STK3: variants seen among roughly 807,000 people sequenced by gnomAD.
STK3 encodes serine/threonine-protein kinase 3.
STK3 carries 41 observed loss-of-function variants against 58.0 expected under a neutral mutation model. The ratio of observed to expected loss-of-function variants is 0.71; its 90% CI spans 0.55 to 0.92. STK3 has a LOEUF of 0.92. Ranked by LOEUF, STK3 falls within the 40% of genes least tolerant of loss-of-function variation. STK3 has a pLI of 0.00. For synonymous variants in STK3, 170 were observed against 191.0 expected, an observed-to-expected ratio of 0.89 and a Z score of 0.91; for missense variants, 479 against 602.7, an observed-to-expected ratio of 0.79 and a Z score of 2.15.
At chr8:98,361,580 G>T in the STK3 span, among the ~76,000 whole-genome samples, 28 of 152,248 alleles carry the variant, frequency 1.8e-4, no homozygotes, top group African/African-American at 6.5e-4. Context: ...CTATATTTAT[G>T]ATCTTAACAA....
chr8:98,633,565 T>C lies in STK3; in HGVS notation c.685-37396A>G, dbSNP rs988724312. 7 of 736,792 alleles carry C rather than the reference T, an allele frequency of 9.5e-6. No homozygotes were observed. In the East Asian group the frequency reaches 1.8e-4, roughly 18 times the overall value. The allele number at this position is 736,792 out of a possible 1,614,324, so 45.6% of individuals were successfully genotyped here. A position where few individuals can be genotyped will look rare whatever the true frequency, so the allele number is the denominator to read the frequency against. On this transcript the variant is annotated intron_variant, in intron 6 of 10. Coordinates refer to ENST00000419617, the MANE Select transcript of STK3 (RefSeq NM_006281.4). ...ATCAGCCAGATTCTCCAGAGGCTCT[T>C]CAGGTTCTCCTCTGTCTTTCAGTCA...
chr8:98,418,250 G>A (rs943049407), intron 3 of STK3, among the ~76,000 whole-genome samples: 2 of 152,210 alleles, frequency 1.3e-5, no homozygotes, highest in African/African-American at 2.4e-5. Context: ...TCACTTTGAT[G>A]GACCAATCTG....
At chr8:98,558,672 T>C (rs1271336358) in intron 8 of STK3, among the ~76,000 whole-genome samples, 1 of 152,102 alleles carries the variant, frequency 6.6e-6, no homozygotes, top group African/African-American at 2.4e-5. Flanking sequence ...TTTAAAAAGA[T>C]TTTTTTCTTT....
At chr8:98,780,390 G>A (rs1832009835) in intron 1 of STK3, among the ~76,000 whole-genome samples, 1 of 152,054 alleles carries the variant, frequency 6.6e-6, no homozygotes, top group Non-Finnish European at 1.5e-5. Context: ...TATGAGTGAA[G>A]TTGACCATCT....
intron 4 of STK3, among the ~76,000 whole-genome samples, chr8:98,739,461 C>T (rs1407779908): frequency 2.0e-5 from 3 of 150,508 alleles, no homozygotes; most frequent in African/African-American, 4.9e-5. Flanking sequence ...CTGCAGCCAC[C>T]GCTGCTGGTA....
chr8:98,844,760 C>T (rs1052109476), intron 3 of STK3, among the ~76,000 whole-genome samples: 5 of 152,118 alleles, frequency 3.3e-5, no homozygotes, highest in African/African-American at 4.8e-5. Flanking sequence ...CCACTGTGCC[C>T]GGCCCAAACA....
At chr8:98,478,225 C>T (rs1422165968) in intron 10 of STK3, among the ~76,000 whole-genome samples, 1 of 152,184 alleles carries the variant, frequency 6.6e-6, no homozygotes, top group Non-Finnish European at 1.5e-5. Context: ...CTCTGCCCCT[C>T]ACTCACAAGG....
chr8:98,698,418 G>T (rs1315369700), intron 6 of STK3, among the ~76,000 whole-genome samples: 3 of 152,196 alleles, frequency 2.0e-5, no homozygotes, highest in Non-Finnish European at 4.4e-5. Flanking sequence ...GATGTTAGCT[G>T]GTTATTTTGC....
rs9642954 is a variant in STK3, at chr8:98,756,637, T to C, written c.237-7247A>G. On this transcript the variant is annotated intron_variant, in intron 3 of 10. Coordinates refer to ENST00000419617, the MANE Select transcript of STK3 (RefSeq NM_006281.4). ...CCAATTAAAAAGTAATGTTAGTCCATGCAGAGATTATAGTAAGCATATCTT... is the reference window on the plus strand; with the variant it reads ...CCAATTAAAAAGTAATGTTAGTCCACGCAGAGATTATAGTAAGCATATCTT... Among the ~76,000 whole-genome samples the C allele has an allele frequency of 4.6e-5, 7 of 152,360 alleles. No individual in the cohort carries two copies. The East Asian group carries it at 1.3e-3, about 29-fold the overall frequency.
chr8:98,936,690 G>T (rs936847036), intron 1 of STK3, among the ~76,000 whole-genome samples: 1 of 152,232 alleles, frequency 6.6e-6, no homozygotes, highest in Non-Finnish European at 1.5e-5. Context: ...GCCTGGGCGG[G>T]CCCACCACGT....
chr8:98,561,809 A>T (rs767689452), intron 8 of STK3, among the ~76,000 whole-genome samples: 2 of 152,214 alleles, frequency 1.3e-5, no homozygotes, highest in Non-Finnish European at 2.9e-5. Flanking sequence ...AACTCTTAAA[A>T]ATTCACAATA....
intron 4 of STK3, chr8:98,721,077 G>A: frequency 1.0e-6 from 1 of 984,686 alleles, no homozygotes; most frequent in Non-Finnish European, 1.2e-6. Flanking sequence ...CACTCACCTG[G>A]CCAATAATTT....
chr8:98,704,871 G>A (rs1381496430), intron 6 of STK3, among the ~76,000 whole-genome samples: 2 of 152,064 alleles, frequency 1.3e-5, no homozygotes, highest in Non-Finnish European at 2.9e-5. Context: ...TACTTACCTA[G>A]GTTGCCTTGG....
intron 6 of STK3, among the ~76,000 whole-genome samples, chr8:98,690,075 C>T (rs544658033): frequency 6.6e-6 from 1 of 152,216 alleles, no homozygotes; most frequent in South Asian, 2.1e-4. Context: ...ATTACAAACT[C>T]ACGGCCAACA....
At chr8:98,751,635 G>T (rs1001268290) in intron 3 of STK3, among the ~76,000 whole-genome samples, 2 of 152,288 alleles carry the variant, frequency 1.3e-5, no homozygotes, top group East Asian at 3.9e-4. Flanking sequence ...AACATTCCAT[G>T]CTCAGGGATA....
intron 9 of STK3, among the ~76,000 whole-genome samples, chr8:98,536,173 A>C (rs1024206069): frequency 6.6e-6 from 1 of 152,152 alleles, no homozygotes; most frequent in Non-Finnish European, 1.5e-5. Context: ...GTAGTGTCTC[A>C]AAGTGAAAAA....
chr8:98,726,081 G>A (rs1827773758), intron 4 of STK3, among the ~76,000 whole-genome samples: 1 of 152,154 alleles, frequency 6.6e-6, no homozygotes, highest in Non-Finnish European at 1.5e-5. Flanking sequence ...CAGGGAAGAA[G>A]GGCTCACTAC....
At chr8:98,426,198 A>T (rs1300435140) in intron 3 of STK3, among the ~76,000 whole-genome samples, 3 of 152,184 alleles carry the variant, frequency 2.0e-5, no homozygotes, top group African/African-American at 7.2e-5. Flanking sequence ...AGCCCGTCAC[A>T]GTCCCAAGAG....
At chr8:98,411,114 T>C (rs1818051299) in intron 3 of STK3, among the ~76,000 whole-genome samples, 1 of 152,228 alleles carries the variant, frequency 6.6e-6, no homozygotes. Context: ...TAAATTTGAG[T>C]GTCCTCATGG....
Sources: gnomAD v4.1 joint callset for allele counts (sites outside exome capture counted in the v4.1 genomes callset) on GRCh38, gnomAD v4.1.1 for gene constraint, MANE v1.5 for transcripts, NCBI Gene and HGNC (gene_info 2026-07-23, HGNC 2026-07-21) for gene names.